EPB41L1: variants seen among roughly 807,000 people sequenced by gnomAD.
EPB41L1 encodes band 4.1-like protein 1.
A neutral mutation model predicts 97.8 loss-of-function variants in EPB41L1; 29 were observed. The observed-to-expected ratio is 0.30, with a 90% CI of 0.22 to 0.40. The LOEUF is 0.40. EPB41L1 is among the 10% of genes least tolerant of loss of function. The pLI, the probability that EPB41L1 is intolerant of heterozygous loss-of-function variation, is 1.00. For synonymous variants in EPB41L1, 383 were observed against 459.2 expected (o/e 0.83, Z 2.12); for missense variants, 812 against 1,162.3 (o/e 0.70, Z 4.38).
At chr20:36,175,155 G>C (rs1237783376) in intron 2 of EPB41L1, among the ~76,000 whole-genome samples, 1 of 152,206 alleles carries the variant, frequency 6.6e-6, no homozygotes, top group Non-Finnish European at 1.5e-5. Context: ...TCAGTCCACA[G>C]CTCCCAGACT....
chr20:36,169,105 A>C (rs1232425829), intron 1 of EPB41L1, among the ~76,000 whole-genome samples: 1 of 151,816 alleles, frequency 6.6e-6, no homozygotes, highest in African/African-American at 2.4e-5. Flanking sequence ...GGTCACCTGT[A>C]ATCCCAGTTA....
intron 6 of EPB41L1, among the ~76,000 whole-genome samples, chr20:36,184,828 A>G (rs55759928): frequency 9.4e-4 from 143 of 152,378 alleles, no homozygotes; most frequent in African/African-American, 3.4e-3. Flanking sequence ...TGGACAAACC[A>G]GCAAAGTAGT....
At chr20:36,112,720 A>C (rs2058445638) in intron 2 of EPB41L1, among the ~76,000 whole-genome samples, 1 of 152,176 alleles carries the variant, frequency 6.6e-6, no homozygotes, top group Non-Finnish European at 1.5e-5. Context: ...GTATTCAAAA[A>C]CAGGCTTTGC....
rs191115726 is a variant in EPB41L1, at chr20:36,136,280, C to T, written c.-10+23800C>T. On this transcript the variant is annotated intron_variant, in intron 2 of 19. Coordinates refer to the EPB41L1 transcript ENST00000202028. ...CTGCCTCCCAAGCTCAAGCGATCCT[C>T]CCGCCTCAGCCTCCTGAGTAGCTGG... 5.9e-3 allele frequency among the ~76,000 whole-genome samples: 895 copies of T among 152,110 alleles called. 6 individuals carry two copies. Among genetic ancestry groups the T allele is most frequent in the Non-Finnish European group, 0.01 (685 of 67,996 alleles).
chr20:36,104,220 G>T (rs995537438), intron 1 of EPB41L1, among the ~76,000 whole-genome samples: 1 of 152,150 alleles, frequency 6.6e-6, no homozygotes. Flanking sequence ...GTGACAACAG[G>T]CTAGAGGTGA....
intron 1 of EPB41L1, among the ~76,000 whole-genome samples, chr20:36,107,986 T>C (rs1417300026): frequency 6.6e-6 from 1 of 152,082 alleles, no homozygotes; most frequent in Admixed American, 6.6e-5. Context: ...AATTTTAGTT[T>C]TAATTTTTTT....
At chr20:36,153,971 C>T (rs891700543), upstream of EPB41L1, among the ~76,000 whole-genome samples, 16 of 152,198 alleles carry the variant, frequency 1.1e-4, no homozygotes, top group African/African-American at 3.9e-4. Flanking sequence ...CAGGTGCACA[C>T]TCAGCCTGTG....
intron 1 of EPB41L1, among the ~76,000 whole-genome samples, chr20:36,105,956 G>A (rs770067513): frequency 1.3e-5 from 2 of 152,196 alleles, no homozygotes; most frequent in Non-Finnish European, 1.5e-5. Flanking sequence ...TCCCCAGGGG[G>A]CAGGCTGCCA....
chr20:36,113,408 TTGTGTGTGTGTGTGTGTGTG>T (rs3057822), intron 2 of EPB41L1, among the ~76,000 whole-genome samples: 21,459 of 143,536 alleles, frequency 0.15, 3,596 homozygotes, highest in African/African-American at 0.41. Context: ...AACTTTCCAT[TTGTGTGTGTGTGTGTGTGTG>T]TGTGTGTGTG....
chr20:36,114,131 C>T (rs1004103445), intron 2 of EPB41L1, among the ~76,000 whole-genome samples: 6 of 152,200 alleles, frequency 3.9e-5, no homozygotes, highest in Admixed American at 3.9e-4. Context: ...ACCCTCATTT[C>T]TCCTTCTGTA....
At chr20:36,201,194 T>C (rs2062476835) in intron 14 of EPB41L1, among the ~76,000 whole-genome samples, 1 of 152,202 alleles carries the variant, frequency 6.6e-6, no homozygotes, top group East Asian at 1.9e-4. Flanking sequence ...ATCCATTGTT[T>C]CTCAGGAGGG....
intron 1 of EPB41L1, among the ~76,000 whole-genome samples, chr20:36,161,413 C>G (rs1818056388): frequency 6.6e-6 from 1 of 152,070 alleles, no homozygotes; most frequent in Admixed American, 6.6e-5. Context: ...TGTGCATTAT[C>G]TGTTTTTCTA....
chr20:36,185,109 AT>A lies in EPB41L1; in HGVS notation c.567-7del. ...CCTGTGCCCATGCTGGCTCTCCCCTATCTCCAGATACTACCTGTGCCTGCAG... is the reference window on the plus strand; with the variant it reads ...CCTGTGCCCATGCTGGCTCTCCCCTACTCCAGATACTACCTGTGCCTGCAG... On this transcript the variant is annotated splice_polypyrimidine_tract_variant and splice_region_variant and intron_variant, in intron 6 of 21. Coordinates refer to ENST00000338074, the MANE Select transcript of EPB41L1 (RefSeq NM_012156.2). The A allele has an allele frequency of 2.5e-6, 4 of 1,612,074 alleles. No individual in the cohort carries two copies. The highest frequency in any genetic ancestry group is 3.4e-6 in the Non-Finnish European group (4 of 1,179,986).
At chr20:36,153,765 C>T (rs938092841), upstream of EPB41L1, among the ~76,000 whole-genome samples, 2 of 152,196 alleles carry the variant, frequency 1.3e-5, no homozygotes, top group Non-Finnish European at 2.9e-5. Flanking sequence ...GGAACCCAGG[C>T]CCTCTCCCTC....
At chr20:36,198,890 C>CT (rs1281797565) in intron 14 of EPB41L1, among the ~76,000 whole-genome samples, 1 of 152,128 alleles carries the variant, frequency 6.6e-6, no homozygotes, top group Non-Finnish European at 1.5e-5. Context: ...CTTAACCTCT[C>CT]TGAGGCTCGT....
At chr20:36,126,749 G>A (rs575589332) in intron 2 of EPB41L1, among the ~76,000 whole-genome samples, 24 of 152,314 alleles carry the variant, frequency 1.6e-4, no homozygotes, top group African/African-American at 4.6e-4. Context: ...AAGCTCCTGC[G>A]TGCTCCCTCT....
At chr20:36,117,254 G>A (rs1026187184) in intron 2 of EPB41L1, among the ~76,000 whole-genome samples, 1 of 152,168 alleles carries the variant, frequency 6.6e-6, no homozygotes, top group Non-Finnish European at 1.5e-5. Context: ...AGAGCTGGAG[G>A]GGTGTCTCTG....
chr20:36,148,296 C>G (rs6058415), intron 2 of EPB41L1, among the ~76,000 whole-genome samples: 4,262 of 152,156 alleles, frequency 0.028, 223 homozygotes, highest in African/African-American at 0.098. Flanking sequence ...GGTGGCAGGA[C>G]GGAGACAGAG....
chr20:36,134,449 A>G (rs987726307), intron 2 of EPB41L1, among the ~76,000 whole-genome samples: 7 of 152,178 alleles, frequency 4.6e-5, no homozygotes, highest in Non-Finnish European at 1.0e-4. Context: ...ATGGTTTGAC[A>G]TTCTAGGCCA....
Sources: allele counts gnomAD v4.1 joint callset (sites outside exome capture counted in the v4.1 genomes callset), GRCh38; gene constraint gnomAD v4.1.1; transcripts MANE v1.5; gene names NCBI Gene and HGNC (gene_info 2026-07-23, HGNC 2026-07-21).